Variants in PPEF1 observed in about 807,000 individuals in gnomAD.
The protein encoded by PPEF1 is serine/threonine-protein phosphatase with EF-hands 1.
Under a neutral mutation model 53.3 loss-of-function variants are expected in PPEF1, and 12 were observed. That is an observed-to-expected ratio of 0.23 (90% confidence interval 0.14 to 0.36). PPEF1 has a LOEUF of 0.36. PPEF1 is among the 10% of genes least tolerant of loss of function. PPEF1 has a pLI of 1.00. For synonymous variants in PPEF1, 165 were observed against 176.7 expected (o/e 0.93, Z 0.52); for missense variants, 334 against 490.4 (o/e 0.68, Z 3.01).
At chrX:18,786,154 T>C (rs922425505) in intron 9 of PPEF1, among the ~76,000 whole-genome samples, 5 of 111,731 alleles carry the variant, frequency 4.5e-5, no homozygotes, top group Admixed American at 9.5e-5. Context: ...GGCAGCCTCT[T>C]CCAATTGACC....
chrX:18,752,984 G>A (rs895446361), intron 4 of PPEF1, among the ~76,000 whole-genome samples: 6 of 111,601 alleles, frequency 5.4e-5, no homozygotes, highest in Non-Finnish European at 1.1e-4. Context: ...GTCTTTGCCT[G>A]GCTTTGGTAT....
At position 18,782,412 on chromosome X, in the gene PPEF1, G is replaced by GA; in HGVS notation, c.762+10_762+11insA. The GA allele has an allele frequency of 1.0e-6, 1 of 984,190 alleles. No homozygotes were observed. Among genetic ancestry groups the GA allele is most frequent in the East Asian group, 3.4e-5 (1 of 29,277 alleles). The allele number at this position is 984,190 out of a possible 1,213,427, so 81.1% of individuals were successfully genotyped here. A position where few individuals can be genotyped will look rare whatever the true frequency, so the allele number is the denominator to read the frequency against. On this transcript the variant is annotated intron_variant, in intron 8 of 15. Transcript: ENST00000470157. ...TTTGCATAAATATAAGGTAAGACAT[G>GA]CTTTTTTTTTTTTTTTTAGTATTCA...
chrX:18,718,774 T>G (rs926654714), intron 1 of PPEF1, among the ~76,000 whole-genome samples: 1 of 112,137 alleles, frequency 8.9e-6, no homozygotes, highest in African/African-American at 3.2e-5. Flanking sequence ...CTATTGCAAC[T>G]AAGTGCAAGA....
At chrX:18,824,564 C>T (rs2047128879) in intron 14 of PPEF1, among the ~76,000 whole-genome samples, 1 of 110,871 alleles carries the variant, frequency 9.0e-6, no homozygotes, top group African/African-American at 3.3e-5. Context: ...CCAGGATAAG[C>T]AAAAAGAAAA....
At chrX:18,676,265 C>G (rs1208215664) in intron 1 of PPEF1, 1 of 111,203 alleles carries the variant, frequency 9.0e-6, no homozygotes, top group Non-Finnish European at 1.9e-5. Context: ...TTGGACTAAA[C>G]ACGTCCCCTT....
intron 4 of PPEF1, among the ~76,000 whole-genome samples, chrX:18,694,573 C>CA (rs1311185784): frequency 9.0e-6 from 1 of 111,453 alleles, no homozygotes; most frequent in African/African-American, 3.3e-5. Context: ...CCACTCCCTA[C>CA]AAAAAATACA....
At chrX:18,782,552 A>G in intron 8 of PPEF1, 150 bp downstream of exon 8, 1 of 431,758 alleles carries the variant, frequency 2.3e-6, no homozygotes, top group Non-Finnish European at 3.9e-6. Context: ...CAAGCACAGC[A>G]GGAAGCCCTG....
intron 12 of PPEF1, among the ~76,000 whole-genome samples, chrX:18,817,561 C>T (rs370120564): frequency 2.3e-4 from 26 of 110,850 alleles, no homozygotes; most frequent in African/African-American, 8.2e-4. Flanking sequence ...AGGATGGTTT[C>T]GATCTCTTGA....
At chrX:18,712,753 T>G (rs2044356855) in intron 1 of PPEF1, among the ~76,000 whole-genome samples, 1 of 112,258 alleles carries the variant, frequency 8.9e-6, no homozygotes, top group East Asian at 2.8e-4. Flanking sequence ...GTCTTTTTCA[T>G]AGATGCTCTT....
At chrX:18,739,845 T>C (rs1033739672) in intron 3 of PPEF1, among the ~76,000 whole-genome samples, 1 of 112,157 alleles carries the variant, frequency 8.9e-6, no homozygotes, top group African/African-American at 3.2e-5. Context: ...TGGATGCCCC[T>C]CCCCCACCCT....
intron 6 of PPEF1, among the ~76,000 whole-genome samples, chrX:18,775,798 T>A: frequency 8.9e-6 from 1 of 112,231 alleles, no homozygotes; most frequent in Non-Finnish European, 1.9e-5. Flanking sequence ...GGCACAACAG[T>A]TTCTACTCCT....
chrX:18,695,393 A>G (rs766637536), intron 4 of PPEF1, among the ~76,000 whole-genome samples: 14 of 112,764 alleles, frequency 1.2e-4, no homozygotes, highest in Non-Finnish European at 1.9e-5. Flanking sequence ...GCCATGCTCA[A>G]TTGATTAGAA....
intron 13 of PPEF1, among the ~76,000 whole-genome samples, chrX:18,819,940 G>GA (rs1181364458): frequency 9.0e-6 from 1 of 111,516 alleles, no homozygotes; most frequent in Non-Finnish European, 1.9e-5. Flanking sequence ...CAGTAGCAAA[G>GA]AAAAAATCTT....
chrX:18,693,520 C>T (rs965691706), intron 4 of PPEF1, among the ~76,000 whole-genome samples: 1 of 112,272 alleles, frequency 8.9e-6, no homozygotes, highest in East Asian at 2.8e-4. Flanking sequence ...CTGCAAAAAC[C>T]GCAGTTACTT....
chrX:18,804,193 A>G, intron 11 of PPEF1, 116 bp downstream of exon 11: 1 of 651,188 alleles, frequency 1.5e-6, no homozygotes, highest in East Asian at 3.9e-5. Context: ...TCTAGTACCA[A>G]ACAGAAACCA....
intron 1 of PPEF1, among the ~76,000 whole-genome samples, chrX:18,677,831 G>T (rs1182444585): frequency 3.6e-5 from 4 of 111,356 alleles, no homozygotes; most frequent in African/African-American, 1.3e-4. Context: ...TTCACTGGAT[G>T]CGTGTAGCAC....
At chrX:18,697,537 C>T (rs965333930) in intron 4 of PPEF1, among the ~76,000 whole-genome samples, 1 of 110,878 alleles carries the variant, frequency 9.0e-6, no homozygotes, top group East Asian at 2.8e-4. Flanking sequence ...TTCTAGGAAG[C>T]CTTCCGTCAT....
chrX:18,767,940 C>T (rs763349503), intron 6 of PPEF1, among the ~76,000 whole-genome samples: 4 of 111,091 alleles, frequency 3.6e-5, no homozygotes, highest in Non-Finnish European at 7.6e-5. Flanking sequence ...TTGATTGCTT[C>T]GGGAAATGGT....
rs147918692 is a variant in PPEF1, at chrX:18,764,823, A to G, written c.558+3247A>G. On this transcript the variant is annotated intron_variant, in intron 6 of 15. Coordinates refer to ENST00000470157, the MANE Select transcript of PPEF1 (RefSeq NM_001377996.1). ...ATCGGGAACGTAGTCACTAAATTCC[A>G]AGGCATTTAGAAAAGAAAATTTCTT... Among the ~76,000 whole-genome samples, 7 of 111,974 alleles carry G rather than the reference A, an allele frequency of 6.3e-5. No homozygotes were observed. In the East Asian group the frequency reaches 2.0e-3, roughly 31 times the overall value.
Sources: allele counts gnomAD v4.1 joint callset (sites outside exome capture counted in the v4.1 genomes callset), GRCh38; gene constraint gnomAD v4.1.1; transcripts MANE v1.5; gene names NCBI Gene and HGNC (gene_info 2026-07-23, HGNC 2026-07-21).